ZFAND3: variants seen among roughly 807,000 people sequenced by gnomAD.
ZFAND3 encodes the protein AN1-type zinc finger protein 3.
In ZFAND3, 10 loss-of-function variants were observed where a neutral mutation model predicts 29.6. That is an observed-to-expected ratio of 0.34 (90% CI 0.21 to 0.57). The LOEUF is 0.57. Among genes scored for constraint, ZFAND3 ranks in the 20% least tolerant of loss-of-function variants. The pLI, the probability that ZFAND3 is intolerant of heterozygous loss-of-function variation, is 0.86. For missense variants in ZFAND3, 230 were observed against 304.5 expected (o/e 0.76, Z 1.82); for synonymous variants, 128 against 112.6 (o/e 1.14, Z -0.87).
intron 1 of ZFAND3, among the ~76,000 whole-genome samples, chr6:37,927,792 G>A (rs1466486107): frequency 6.6e-6 from 1 of 152,202 alleles, no homozygotes; most frequent in Non-Finnish European, 1.5e-5. Context: ...TGCTGGTTCT[G>A]GACTGGTATA....
intron 1 of ZFAND3, among the ~76,000 whole-genome samples, chr6:37,919,102 C>T (rs1247602247): frequency 3.3e-5 from 5 of 151,934 alleles, no homozygotes; most frequent in Admixed American, 6.6e-5. Flanking sequence ...TACAGGCATG[C>T]GCTACCACGC....
In ZFAND3 at chr6:37,932,409, G is replaced by A. The variant is rs537554696; in HGVS notation, c.112+2410G>A. Among the ~76,000 whole-genome samples, 18 of 152,310 alleles carry A rather than the reference G, an allele frequency of 1.2e-4. No homozygotes were observed. The East Asian group carries it at 3.3e-3, about 28-fold the overall frequency. ...GTAGCAGTGAGACAAAATGTATACA[G>A]GTTGAGAACCCCAAATCCCAAATCT... On this transcript the variant is annotated intron_variant, in intron 2 of 5. Coordinates refer to ENST00000287218, the MANE Select transcript of ZFAND3 (RefSeq NM_021943.3).
intron 1 of ZFAND3, among the ~76,000 whole-genome samples, chr6:37,926,951 G>A (rs1581767733): frequency 6.6e-6 from 1 of 152,234 alleles, no homozygotes; most frequent in Non-Finnish European, 1.5e-5. Context: ...CTTGACCCAT[G>A]TGATCCAAGC....
At chr6:38,141,286 C>T (rs778057928) in intron 5 of ZFAND3, among the ~76,000 whole-genome samples, 16 of 152,214 alleles carry the variant, frequency 1.1e-4, no homozygotes, top group Non-Finnish European at 2.4e-4. Context: ...CAGCTCCCAG[C>T]CTGACAGTCT....
intron 2 of ZFAND3, among the ~76,000 whole-genome samples, chr6:37,949,372 A>T (rs1468133911): frequency 1.3e-5 from 2 of 152,090 alleles, no homozygotes; most frequent in African/African-American, 4.8e-5. Flanking sequence ...CTCTCACACC[A>T]CAGCAGTCAT....
intron 5 of ZFAND3, among the ~76,000 whole-genome samples, chr6:38,140,430 G>A (rs906244038): frequency 1.3e-5 from 2 of 152,188 alleles, no homozygotes; most frequent in African/African-American, 4.8e-5. Context: ...CTTTCTAGAG[G>A]TTCTAAGTGA....
chr6:37,992,279 A>C (rs16890299), intron 2 of ZFAND3, among the ~76,000 whole-genome samples: 1 of 152,316 alleles, frequency 6.6e-6, no homozygotes, highest in South Asian at 2.1e-4. Flanking sequence ...ATCTTTTGCT[A>C]CTGAGAGAAA....
chr6:38,126,796 GTC>G (rs1387664470), intron 5 of ZFAND3, among the ~76,000 whole-genome samples: 1 of 151,152 alleles, frequency 6.6e-6, no homozygotes, highest in Non-Finnish European at 1.5e-5. Context: ...AATATGATAT[GTC>G]TCTCTATTTA....
chr6:38,047,341 T>G (rs1561979600), intron 2 of ZFAND3, among the ~76,000 whole-genome samples: 1 of 151,854 alleles, frequency 6.6e-6, no homozygotes, highest in Non-Finnish European at 1.5e-5. Flanking sequence ...AAAGAAATAT[T>G]ACTTCTTTCA....
At chr6:38,029,502 A>T (rs1763508831) in intron 2 of ZFAND3, among the ~76,000 whole-genome samples, 1 of 152,210 alleles carries the variant, frequency 6.6e-6, no homozygotes, top group African/African-American at 2.4e-5. Context: ...GGATCTCTCT[A>T]ACACCAGTGA....
rs73734305 is a variant in ZFAND3, at chr6:38,141,510, A to G, written c.530-10725A>G. 3.9e-5 allele frequency among the ~76,000 whole-genome samples: 6 copies of G among 152,202 alleles called. No individual in the cohort carries two copies. In the South Asian group the frequency reaches 8.3e-4, roughly 21 times the overall value. ...CCAGGCTGCACTATATAGTCTTTGT[A>G]TATTTAATTCAGATTTCTCTGAAAT... On this transcript the variant is annotated intron_variant, in intron 5 of 5. Coordinates refer to ENST00000287218, the MANE Select transcript of ZFAND3 (RefSeq NM_021943.3).
chr6:38,070,633 T>C (rs1764436213), intron 3 of ZFAND3, among the ~76,000 whole-genome samples: 1 of 152,204 alleles, frequency 6.6e-6, no homozygotes, highest in African/African-American at 2.4e-5. Flanking sequence ...ATGAGCCATG[T>C]CAAGTAAACA....
chr6:38,010,599 C>CTT lies in ZFAND3; in HGVS notation c.113-50979_113-50978dup, dbSNP rs759693005. On this transcript the variant is annotated intron_variant, in intron 2 of 5. Transcript: ENST00000287218. Reference sequence around the variant, plus strand: ...ATCATTTTGCTTTTACGCCCCCAACCTTTTTTTTTTTTTTTTCCGAGACAG... The same window carrying CTT: ...ATCATTTTGCTTTTACGCCCCCAACCTTTTTTTTTTTTTTTTTTCCGAGACAG... Among the ~76,000 whole-genome samples the CTT allele has an allele frequency of 1.9e-3, 260 of 139,348 alleles. 4 individuals are homozygous for CTT. The highest frequency in any genetic ancestry group is 6.4e-3 in the African/African-American group (245 of 38,208). 91.4% of individuals were successfully genotyped at this position (139,348 alleles called of 152,430 possible).
chr6:37,943,527 A>T lies in ZFAND3; in HGVS notation c.112+13528A>T, dbSNP rs193199230. On this transcript the variant is annotated intron_variant, in intron 2 of 5. Coordinates refer to ENST00000287218, the MANE Select transcript of ZFAND3 (RefSeq NM_021943.3). ...CAGTAGCTGTTAATTTCCATGCCTG[A>T]AGCACAAATTAATGTCAGGAAATCT... Among the ~76,000 whole-genome samples, 7 of 152,302 alleles carry T rather than the reference A, an allele frequency of 4.6e-5. No individual in the cohort carries two copies. The East Asian group carries it at 1.3e-3, about 29-fold the overall frequency.
At chr6:38,050,102 A>C (rs1334513641) in intron 2 of ZFAND3, among the ~76,000 whole-genome samples, 1 of 151,322 alleles carries the variant, frequency 6.6e-6, no homozygotes, top group Non-Finnish European at 1.5e-5. Context: ...TCACAGGTGC[A>C]CGTCACCACG....
chr6:38,146,960 G>T (rs1307012884), intron 5 of ZFAND3, among the ~76,000 whole-genome samples: 1 of 152,080 alleles, frequency 6.6e-6, no homozygotes, highest in Non-Finnish European at 1.5e-5. Context: ...AAATGTATGG[G>T]GTACATGAGA....
rs112360754 is a variant in ZFAND3, at chr6:38,086,976, C to T, written c.361+4519C>T. Among the ~76,000 whole-genome samples the T allele has an allele frequency of 4.2e-4, 64 of 152,226 alleles. 1 individual carries two copies. Among genetic ancestry groups the T allele is most frequent in the African/African-American group, 7.9e-4 (33 of 41,550 alleles). On this transcript the variant is annotated intron_variant, in intron 4 of 5. Coordinates refer to ENST00000287218, the MANE Select transcript of ZFAND3 (RefSeq NM_021943.3). ...CTATACTAACCAGAACAACCTCAAA[C>T]TGGCATAAAAAGATATGTAGACCAA...
rs112794330 is a variant in ZFAND3, at chr6:38,050,186, C to T, written c.113-11407C>T. 1.5e-3 allele frequency among the ~76,000 whole-genome samples: 234 copies of T among 151,966 alleles called. 1 individual carries two copies. Among genetic ancestry groups the T allele is most frequent in the African/African-American group, 4.7e-3 (196 of 41,400 alleles). ...CCCAGGCTGGTCTTAAACTCCTGACCTCAGTTGATCCACCCACCTCGGCCT... is the reference window on the plus strand; with the variant it reads ...CCCAGGCTGGTCTTAAACTCCTGACTTCAGTTGATCCACCCACCTCGGCCT... On this transcript the variant is annotated intron_variant, in intron 2 of 5. Transcript: ENST00000287218.
intron 1 of ZFAND3, among the ~76,000 whole-genome samples, chr6:37,908,601 C>T (rs1437656677): frequency 6.9e-6 from 1 of 144,878 alleles, no homozygotes; most frequent in African/African-American, 2.5e-5. Context: ...GATAGCTTAA[C>T]ACATGGAGGT....
Sources: allele counts gnomAD v4.1 joint callset (sites outside exome capture counted in the v4.1 genomes callset), GRCh38; gene constraint gnomAD v4.1.1; transcripts MANE v1.5; gene names NCBI Gene and HGNC (gene_info 2026-07-23, HGNC 2026-07-21).